Variants in ANKRD11 observed in about 807,000 individuals in gnomAD.
ANKRD11 encodes the protein ankyrin repeat domain 11, also known as ankyrin repeat domain-containing protein 11.
Under a neutral mutation model 195.7 loss-of-function variants are expected in ANKRD11, and 17 were observed. The observed-to-expected ratio is 0.09, with a 90% CI of 0.06 to 0.13. ANKRD11 has a LOEUF of 0.13. Among genes scored for constraint, ANKRD11 ranks in the 10% least tolerant of loss-of-function variants. The pLI, the probability that ANKRD11 is intolerant of heterozygous loss-of-function variation, is 1.00. For missense variants in ANKRD11, 3,735 were observed against 3,566.1 expected (o/e 1.05, Z -1.21); for synonymous variants, 1,953 against 1,528.1 (o/e 1.28, Z -6.49).
At chr16:89,372,270 T>G (rs972761727) in intron 2 of ANKRD11, among the ~76,000 whole-genome samples, 1 of 152,146 alleles carries the variant, frequency 6.6e-6, no homozygotes, top group Admixed American at 6.5e-5. Flanking sequence ...AGCCTCTCAC[T>G]GAGATTAAGA....
At chr16:89,370,364 C>A (rs1242669077) in intron 2 of ANKRD11, among the ~76,000 whole-genome samples, 2 of 152,164 alleles carry the variant, frequency 1.3e-5, no homozygotes, top group African/African-American at 2.4e-5. Context: ...GACAGGCGTG[C>A]CCGGTACCTG....
intron 4 of ANKRD11, chr16:89,300,175 T>C (rs1455501478): frequency 9.3e-6 from 2 of 216,032 alleles, no homozygotes; most frequent in Admixed American, 6.3e-5. Context: ...GTGGGGTCTG[T>C]GCCCTGTGTG....
chr16:89,449,542 C>A (rs139760490), intron 1 of ANKRD11, among the ~76,000 whole-genome samples: 1 of 152,140 alleles, frequency 6.6e-6, no homozygotes, highest in Non-Finnish European at 1.5e-5. Context: ...GCCTGTAATC[C>A]GAGCACTTTG....
At chr16:89,335,258 CCT>C (rs1449727570) in intron 2 of ANKRD11, among the ~76,000 whole-genome samples, 10 of 152,190 alleles carry the variant, frequency 6.6e-5, no homozygotes, top group Admixed American at 1.3e-4. Context: ...TCACACCACC[CCT>C]GTTCCCAGAA....
At chr16:89,466,801 C>A (rs2056900920) in intron 1 of ANKRD11, among the ~76,000 whole-genome samples, 1 of 152,150 alleles carries the variant, frequency 6.6e-6, no homozygotes, top group Non-Finnish European at 1.5e-5. Context: ...ATGCAAAGAG[C>A]CAAGTGTGGG....
chr16:89,479,942 CAAAA>C (rs1184052902), intron 1 of ANKRD11, among the ~76,000 whole-genome samples: 1 of 73,312 alleles, frequency 1.4e-5, no homozygotes, highest in Non-Finnish European at 2.7e-5. Context: ...GACTCCATCT[CAAAA>C]AAAAAAAAAA....
At chr16:89,370,475 C>G (rs937238031) in intron 2 of ANKRD11, among the ~76,000 whole-genome samples, 1 of 152,136 alleles carries the variant, frequency 6.6e-6, no homozygotes, top group African/African-American at 2.4e-5. Flanking sequence ...AAGATGACAC[C>G]CAGGGCCTTG....
rs1354874973 is a variant in ANKRD11, at chr16:89,270,824, C to T, written c.7799G>A (p.Arg2600His). The T allele has an allele frequency of 5.6e-6, 9 of 1,613,648 alleles. No homozygotes were observed. Among genetic ancestry groups the T allele is most frequent in the Non-Finnish European group, 6.8e-6 (8 of 1,179,944 alleles). ...WLQDVDDKYDRMKTCLLMRQQ... is the reference protein window; with the variant it reads ...WLQDVDDKYDHMKTCLLMRQQ... Reference sequence around the variant, plus strand: ...GGGACGCGCAACACCGACCTTCATGCGGTCATACTTGTCATCCACGTCCTG... The same window carrying T: ...GGGACGCGCAACACCGACCTTCATGTGGTCATACTTGTCATCCACGTCCTG... The change falls in exon 12 of 13, where the codon CGC becomes CAC. Residue 2600 changes from arginine to histidine, a missense_variant. Coordinates refer to ENST00000301030, the MANE Select transcript of ANKRD11 (RefSeq NM_013275.6).
intron 2 of ANKRD11, among the ~76,000 whole-genome samples, chr16:89,347,347 T>C (rs937206154): frequency 1.3e-5 from 2 of 152,166 alleles, no homozygotes; most frequent in Admixed American, 1.3e-4. Context: ...CACTGGCTCA[T>C]GCCTGTAATC....
At chr16:89,364,414 C>T (rs942557849) in intron 2 of ANKRD11, among the ~76,000 whole-genome samples, 1 of 152,258 alleles carries the variant, frequency 6.6e-6, no homozygotes, top group African/African-American at 2.4e-5. Context: ...ACACATCCTA[C>T]TCACGGTAAG....
chr16:89,419,819 T>G (rs2042440431), intron 1 of ANKRD11, among the ~76,000 whole-genome samples: 1 of 151,298 alleles, frequency 6.6e-6, no homozygotes, highest in Non-Finnish European at 1.5e-5. Flanking sequence ...GAGTGAGGTT[T>G]TTCCTCCTTA....
chr16:89,379,817 G>A (rs994840132), intron 2 of ANKRD11, among the ~76,000 whole-genome samples: 4 of 152,218 alleles, frequency 2.6e-5, no homozygotes, highest in Non-Finnish European at 5.9e-5. Flanking sequence ...ATTCTGTTCA[G>A]CAAGAAGAGT....
Position 89,328,178 on chromosome 16 carries a change from G to T in ANKRD11, c.-59-11100C>A, listed in dbSNP as rs1360040675. Among the ~76,000 whole-genome samples, 5 of 152,188 alleles carry T rather than the reference G, an allele frequency of 3.3e-5. No homozygotes were observed. In the East Asian group the frequency reaches 9.6e-4, roughly 29 times the overall value. On this transcript the variant is annotated intron_variant, in intron 2 of 12. Coordinates refer to ENST00000301030, the MANE Select transcript of ANKRD11 (RefSeq NM_013275.6). ...ATATTACTGCACACCAATCGGAACA[G>T]CTAAAATACAAAATACTCAAGGATG...
intron 2 of ANKRD11, chr16:89,324,225 T>C (rs1438360423): frequency 2.5e-6 from 3 of 1,197,336 alleles, no homozygotes; most frequent in East Asian, 5.9e-5. Flanking sequence ...GGCCTCTGCT[T>C]TGCCCCTCAG....
chr16:89,327,742 T>C (rs928037737), intron 2 of ANKRD11, among the ~76,000 whole-genome samples: 4 of 151,986 alleles, frequency 2.6e-5, no homozygotes, highest in African/African-American at 9.7e-5. Flanking sequence ...CAAATAAAAA[T>C]AAATGCTTAG....
rs556897520 is a variant in ANKRD11 at position 89,279,016 on chromosome 16, G to A, written c.7470+56C>T. 8.4e-5 allele frequency: 135 copies of A among 1,604,814 alleles called. 2 individuals are homozygous for A. The South Asian group carries it at 1.1e-3, about 13-fold the overall frequency. The stretch of plus-strand genomic sequence containing the variant: ...GGGCTGGAGGAAGCCGTGACTAGGG[G>A]CCCCAGACGCATCCCAGAGAGAGAA... On this transcript the variant is annotated intron_variant, in intron 9 of 12. Transcript: ENST00000301030. The surrounding 1 kb of genome is among the most constrained non-coding windows in gnomAD (Gnocchi z 5.6).
chr16:89,312,985 G>A (rs1481485868), intron 3 of ANKRD11, among the ~76,000 whole-genome samples: 2 of 152,184 alleles, frequency 1.3e-5, no homozygotes, highest in Non-Finnish European at 2.9e-5. Flanking sequence ...GGGGGTTTCT[G>A]CTGAGACTCG....
At chr16:89,305,112 C>T in intron 4 of ANKRD11, 94 bp downstream of exon 4, 1 of 1,546,462 alleles carries the variant, frequency 6.5e-7, no homozygotes, top group Middle Eastern at 2.4e-4. Context: ...CGTCCCAGTG[C>T]AAAGCCGGAG....
rs764889984 is a variant in ANKRD11 at position 89,281,175 on chromosome 16, G to C, written c.5367C>G (p.Arg1789=). 9 of 1,614,108 alleles carry C rather than the reference G, an allele frequency of 5.6e-6. No individual in the cohort carries two copies. The Admixed American group carries it at 1.2e-4, about 21-fold the overall frequency. Reference sequence around the variant, plus strand: ...TCCTCCTAATGTCGACAGAGACCGAGCGGTAAAGGTTTGTGGAGAGAGGCC... The same window carrying C: ...TCCTCCTAATGTCGACAGAGACCGACCGGTAAAGGTTTGTGGAGAGAGGCC... ...PARPLSTNLY[R]SVSVDIRRTP... The change falls in exon 9 of 13, where the codon CGC becomes CGG. Residue 1789 remains arginine, a synonymous_variant. Coordinates refer to ENST00000301030, the MANE Select transcript of ANKRD11 (RefSeq NM_013275.6). The surrounding 1 kb of genome is among the most constrained non-coding windows in gnomAD (Gnocchi z 5.5).
Sources: gnomAD v4.1 joint callset for allele counts (sites outside exome capture counted in the v4.1 genomes callset) on GRCh38, gnomAD v4.1.1 for gene constraint, Gnocchi (gnomAD v3.1) non-coding constraint, MANE v1.5 for transcripts, NCBI Gene and HGNC (gene_info 2026-07-23, HGNC 2026-07-21) for gene names.